EMSY: variants seen among roughly 807,000 people sequenced by gnomAD.
The protein encoded by EMSY is BRCA2-interacting transcriptional repressor EMSY.
A neutral mutation model predicts 134.6 loss-of-function variants in EMSY; 26 were observed. That is an observed-to-expected ratio of 0.19 (90% CI 0.14 to 0.27). The LOEUF is 0.27. Ranked by LOEUF, EMSY falls within the 10% of genes least tolerant of loss-of-function variation. The pLI is 1.00. For missense variants in EMSY, 1,305 were observed against 1,611.4 expected (o/e 0.81, Z 3.26); for synonymous variants, 579 against 577.8 (o/e 1.00, Z -0.03).
At chr11:76,526,224 A>G (rs1361487726) in intron 12 of EMSY, among the ~76,000 whole-genome samples, 1 of 152,164 alleles carries the variant, frequency 6.6e-6, no homozygotes, top group Non-Finnish European at 1.5e-5. Flanking sequence ...GTAATTTTTT[A>G]AAATTCGCTC....
chr11:76,501,526 G>T (rs1376095383), intron 9 of EMSY, among the ~76,000 whole-genome samples: 1 of 152,122 alleles, frequency 6.6e-6, no homozygotes, highest in Non-Finnish European at 1.5e-5. Flanking sequence ...AAATCTGGAG[G>T]TTAAAAGTAA....
intron 12 of EMSY, among the ~76,000 whole-genome samples, chr11:76,523,704 C>CTTTTTTTTTTTTTTTTTTTTTTTT (rs746491659): frequency 7.5e-5 from 6 of 80,536 alleles, no homozygotes; most frequent in Admixed American, 1.6e-4. Flanking sequence ...TTGTTACTTT[C>CTTTTTTTTTTTTTTTTTTTTTTTT]TTTTTTTTTT....
intron 7 of EMSY, 35 bp downstream of exon 8, chr11:76,464,115 T>C: frequency 6.2e-7 from 1 of 1,611,786 alleles, no homozygotes; most frequent in East Asian, 2.2e-5. Flanking sequence ...CTGCCAATTG[T>C]TTCTTTCAGA....
intron 8 of EMSY, among the ~76,000 whole-genome samples, chr11:76,473,110 A>T (rs914185396): frequency 5.3e-5 from 8 of 152,128 alleles, no homozygotes; most frequent in African/African-American, 1.9e-4. Context: ...GTCACTATAA[A>T]TTTCAAAGGG....
chr11:76,493,321 C>A (rs1949500596), intron 8 of EMSY, among the ~76,000 whole-genome samples: 1 of 152,178 alleles, frequency 6.6e-6, no homozygotes, highest in African/African-American at 2.4e-5. Flanking sequence ...TAAGGGCCTG[C>A]AGGCGCCCCT....
intron 9 of EMSY, among the ~76,000 whole-genome samples, chr11:76,503,512 A>G (rs1406266053): frequency 1.3e-5 from 2 of 152,076 alleles, no homozygotes; most frequent in Admixed American, 6.6e-5. Flanking sequence ...TCAATGGGGG[A>G]AAAATAGTCT....
chr11:76,483,685 A>G (rs1007790705), intron 8 of EMSY, among the ~76,000 whole-genome samples: 3 of 152,226 alleles, frequency 2.0e-5, no homozygotes, highest in Non-Finnish European at 4.4e-5. Flanking sequence ...GATCAATGCA[A>G]CAAGAAGAGC....
chr11:76,465,836 C>T (rs892240902), intron 7 of EMSY, among the ~76,000 whole-genome samples: 4 of 152,188 alleles, frequency 2.6e-5, no homozygotes, highest in Admixed American at 2.6e-4. Context: ...GTGGGACATG[C>T]TGACTGGTGA....
At chr11:76,548,346 T>C (rs1951726444) in intron 20 of EMSY, among the ~76,000 whole-genome samples, 1 of 152,228 alleles carries the variant, frequency 6.6e-6, no homozygotes, top group African/African-American at 2.4e-5. Context: ...AGCATTGCTC[T>C]TTGTGGACAG....
chr11:76,507,729 T>C (rs1950129140), intron 9 of EMSY, among the ~76,000 whole-genome samples: 1 of 152,176 alleles, frequency 6.6e-6, no homozygotes, highest in Non-Finnish European at 1.5e-5. Context: ...CCTCCCATGA[T>C]TCAAAAATGT....
intron 4 of EMSY, 89 bp from the exon 5 acceptor site, chr11:76,454,660 T>A (rs1432654335): frequency 2.5e-6 from 2 of 811,516 alleles, no homozygotes; most frequent in Non-Finnish European, 1.9e-6. Context: ...AAAGGTATTG[T>A]GGGGCAACTA....
exon 21 of EMSY, chr11:76,550,097 A>G: frequency 6.2e-7 from 1 of 1,613,712 alleles, no homozygotes; most frequent in Non-Finnish European, 8.5e-7. Flanking sequence ...AGTAGCACGG[A>G]GGATGGAACT....
intron 10 of EMSY, among the ~76,000 whole-genome samples, chr11:76,515,258 A>G (rs1950412010): frequency 6.6e-6 from 1 of 151,728 alleles, no homozygotes; most frequent in African/African-American, 2.4e-5. Flanking sequence ...TGGTCCGTGA[A>G]TTTGATTATC....
At chr11:76,513,414 A>G in exon 10 of EMSY, 1 of 1,613,568 alleles carries the variant, frequency 6.2e-7, no homozygotes, top group Non-Finnish European at 8.5e-7. Context: ...AACAGGTTCA[A>G]CCAAGTAAAA....
intron 14 of EMSY, among the ~76,000 whole-genome samples, chr11:76,532,889 G>A (rs1467064247): frequency 1.3e-5 from 2 of 152,140 alleles, no homozygotes; most frequent in African/African-American, 4.8e-5. Context: ...AATCCAGGTT[G>A]AGCAGAAACA....
exon 13 of EMSY, chr11:76,526,540 A>G (rs1163345211): frequency 6.2e-7 from 1 of 1,613,918 alleles, no homozygotes; most frequent in Non-Finnish European, 8.5e-7. Flanking sequence ...CACCAAAATG[A>G]TTGTAACGCA....
At chr11:76,453,253 T>G (rs1203177631) in intron 3 of EMSY, 61 bp from the exon 4 acceptor site, 13 of 1,496,536 alleles carry the variant, frequency 8.7e-6, no homozygotes, top group African/African-American at 1.4e-5. Flanking sequence ...TAAACATTAA[T>G]GAAAGTATAG....
rs544382948 is a variant in EMSY, at chr11:76,537,282, A to C, written c.2360-513A>C. ...AAGAAGCCATTTTTTTCTAACAATG[A>C]AAATTTTTATTCTTTAAAAGTTGTT... On this transcript the variant is annotated intron_variant, in intron 15 of 20. Transcript: ENST00000334736. 2.0e-5 allele frequency among the ~76,000 whole-genome samples: 3 copies of C among 152,364 alleles called. No individual in the cohort carries two copies. In the South Asian group the frequency reaches 6.2e-4, roughly 32 times the overall value.
chr11:76,492,304 A>G (rs1052149824), intron 8 of EMSY, among the ~76,000 whole-genome samples: 3 of 152,008 alleles, frequency 2.0e-5, no homozygotes, highest in African/African-American at 7.2e-5. Flanking sequence ...TGAAACCTCT[A>G]CTCGACTAAA....
Sources: gnomAD v4.1 joint callset for allele counts (sites outside exome capture counted in the v4.1 genomes callset) on GRCh38, gnomAD v4.1.1 for gene constraint, MANE v1.5 for transcripts, NCBI Gene and HGNC (gene_info 2026-07-23, HGNC 2026-07-21) for gene names.